The following ATG7 variants were observed in gnomAD, a reference collection of about 807,000 sequenced individuals.
The protein encoded by ATG7 is autophagy related 7.
A neutral mutation model predicts 82.4 loss-of-function variants in ATG7; 70 were observed. The ratio of observed to expected loss-of-function variants is 0.85; its 90% confidence interval spans 0.70 to 1.04. The LOEUF is 1.04. ATG7 is among the 50% of genes least tolerant of loss of function. The pLI is 0.00. For missense variants in ATG7, 792 were observed against 864.3 expected (o/e 0.92, Z 1.05); for synonymous variants, 287 against 313.0 (o/e 0.92, Z 0.88).
intron 20 of ATG7, among the ~76,000 whole-genome samples, chr3:11,532,307 G>T (rs112936814): frequency 6.6e-6 from 1 of 152,170 alleles, no homozygotes; most frequent in Non-Finnish European, 1.5e-5. Flanking sequence ...ATCTGCAAGG[G>T]ACAAACCGGA....
intron 11 of ATG7, among the ~76,000 whole-genome samples, chr3:11,334,528 G>A (rs1952104982): frequency 6.6e-6 from 1 of 151,862 alleles, no homozygotes; most frequent in South Asian, 2.1e-4. Context: ...ACAGGCATGA[G>A]TCACTGAGCC....
At chr3:11,406,461 G>A (rs2080349615) in intron 19 of ATG7, among the ~76,000 whole-genome samples, 1 of 151,956 alleles carries the variant, frequency 6.6e-6, no homozygotes, top group Non-Finnish European at 1.5e-5. Context: ...ACCTGCTACT[G>A]TGCCCAGTTA....
At chr3:11,443,328 A>C (rs1054665976) in intron 20 of ATG7, among the ~76,000 whole-genome samples, 5 of 152,190 alleles carry the variant, frequency 3.3e-5, no homozygotes, top group African/African-American at 1.2e-4. Context: ...ACTAAGGCTG[A>C]GGGGCAAAGG....
chr3:11,564,727 G>T, the ATG7 span: 8 of 1,446,982 alleles, frequency 5.5e-6, no homozygotes, highest in Non-Finnish European at 7.3e-6. Flanking sequence ...TCCTCTGCTC[G>T]GGGCTCTCCA....
At chr3:11,565,897 G>GTTCC in the ATG7 span, among the ~76,000 whole-genome samples, 1 of 152,268 alleles carries the variant, frequency 6.6e-6, no homozygotes, top group South Asian at 2.1e-4. This position sits in a 1 kb window ranked among gnomAD's most constrained non-coding sequence, Gnocchi z 4.1. Flanking sequence ...GGGTCCCACA[G>GTTCC]TTCCATCTGC....
At chr3:11,452,353 C>T (rs1255319761) in intron 20 of ATG7, among the ~76,000 whole-genome samples, 7 of 130,354 alleles carry the variant, frequency 5.4e-5, no homozygotes, top group Non-Finnish European at 7.6e-5. Flanking sequence ...CCACTACACC[C>T]CAGTCTGGGC....
intron 20 of ATG7, chr3:11,529,724 G>A (rs1559804231): frequency 6.6e-6 from 1 of 152,622 alleles, no homozygotes; most frequent in Non-Finnish European, 1.5e-5. Flanking sequence ...TCTCTTCAGT[G>A]GCAAGCATGG....
intron 19 of ATG7, among the ~76,000 whole-genome samples, chr3:11,415,057 C>G (rs546255819): frequency 6.6e-6 from 1 of 152,194 alleles, no homozygotes; most frequent in Non-Finnish European, 1.5e-5. Context: ...TACTGCACAC[C>G]TAGGCTATAT....
intron 1 of ATG7, among the ~76,000 whole-genome samples, chr3:11,276,002 C>T (rs1297134715): frequency 6.6e-6 from 1 of 152,148 alleles, no homozygotes; most frequent in Non-Finnish European, 1.5e-5. Context: ...AACCTAAAGC[C>T]CTGCCAGCTC....
intron 20 of ATG7, among the ~76,000 whole-genome samples, chr3:11,537,328 G>T (rs969931695): frequency 6.6e-6 from 1 of 151,838 alleles, no homozygotes; most frequent in Non-Finnish European, 1.5e-5. Context: ...CCTATATTTT[G>T]TAGCTCTTTC....
intron 20 of ATG7, among the ~76,000 whole-genome samples, chr3:11,541,255 G>GT (rs2070810604): frequency 6.6e-6 from 1 of 152,216 alleles, no homozygotes; most frequent in Non-Finnish European, 1.5e-5. Context: ...TTCATGTAGG[G>GT]TATGAGTTAA....
At chr3:11,380,364 C>G (rs891011646) in intron 19 of ATG7, among the ~76,000 whole-genome samples, 4 of 152,224 alleles carry the variant, frequency 2.6e-5, no homozygotes, top group African/African-American at 9.6e-5. Flanking sequence ...AGGGTTCCCT[C>G]CTAGCCAGGA....
At chr3:11,334,640 G>T (rs1952127721) in intron 11 of ATG7, among the ~76,000 whole-genome samples, 1 of 151,854 alleles carries the variant, frequency 6.6e-6, no homozygotes, top group Admixed American at 6.6e-5. Context: ...ATGTGTGTGT[G>T]TGTGATGGGG....
At chr3:11,548,892 G>C (rs916902017) in intron 20 of ATG7, among the ~76,000 whole-genome samples, 13 of 152,312 alleles carry the variant, frequency 8.5e-5, no homozygotes, top group Non-Finnish European at 1.6e-4. Context: ...AAAGTGAGAC[G>C]GCCGGGTCAA....
At chr3:11,524,942 A>C (rs2092537489) in intron 20 of ATG7, among the ~76,000 whole-genome samples, 1 of 152,256 alleles carries the variant, frequency 6.6e-6, no homozygotes, top group Non-Finnish European at 1.5e-5. Flanking sequence ...ACACAGAAAC[A>C]AACCTCGTAT....
At chr3:11,508,028 G>C (rs2091838987) in intron 20 of ATG7, among the ~76,000 whole-genome samples, 1 of 151,998 alleles carries the variant, frequency 6.6e-6, no homozygotes, top group Non-Finnish European at 1.5e-5. Flanking sequence ...GGGAAGAATG[G>C]CTAGTAGGAT....
At chr3:11,519,622 C>T (rs187501243) in intron 20 of ATG7, among the ~76,000 whole-genome samples, 94 of 121,082 alleles carry the variant, frequency 7.8e-4, no homozygotes, top group East Asian at 1.7e-3. Flanking sequence ...TGCAGTGGGG[C>T]GATCTTGGCT....
At chr3:11,303,977 G>T (rs1947281752) in intron 5 of ATG7, among the ~76,000 whole-genome samples, 1 of 150,650 alleles carries the variant, frequency 6.6e-6, no homozygotes, top group Admixed American at 6.6e-5. Flanking sequence ...TGTAGTCCCA[G>T]CTACTCGGGA....
intron 19 of ATG7, among the ~76,000 whole-genome samples, chr3:11,413,340 C>G (rs1219987036): frequency 2.3e-4 from 35 of 152,002 alleles, no homozygotes; most frequent in Admixed American, 2.3e-3. Flanking sequence ...CAGTTTCCTT[C>G]TATTCCTAGT....
Sources: allele counts gnomAD v4.1 joint callset (sites outside exome capture counted in the v4.1 genomes callset), GRCh38; gene constraint gnomAD v4.1.1; non-coding constraint Gnocchi (gnomAD v3.1); transcripts MANE v1.5; gene names NCBI Gene and HGNC (gene_info 2026-07-23, HGNC 2026-07-21).